The following NLGN1 variants were observed in gnomAD, a reference collection of about 807,000 sequenced individuals.
NLGN1 encodes neuroligin 1, also known as neuroligin-1.
In NLGN1, 12 loss-of-function variants were observed where a neutral mutation model predicts 65.5. That is an observed-to-expected ratio of 0.18 (90% confidence interval 0.12 to 0.30). NLGN1 has a LOEUF of 0.30. NLGN1 is among the 10% of genes least tolerant of loss of function. The pLI is 1.00. For missense variants in NLGN1, 750 were observed against 1,007.1 expected (o/e 0.74, Z 3.46); for synonymous variants, 350 against 359.5 (o/e 0.97, Z 0.30).
intron 4 of NLGN1, among the ~76,000 whole-genome samples, chr3:174,085,458 C>CATT (rs1481393129): frequency 6.6e-6 from 1 of 151,994 alleles, no homozygotes; most frequent in Non-Finnish European, 1.5e-5. Context: ...CATTCTTACC[C>CATT]ATTAGTCTTA....
At chr3:173,636,179 G>A (rs915016710) in intron 3 of NLGN1, among the ~76,000 whole-genome samples, 2 of 152,040 alleles carry the variant, frequency 1.3e-5, no homozygotes, top group Non-Finnish European at 2.9e-5. Context: ...GAGGAAACAT[G>A]CCATATGTAA....
Position 173,407,754 on chromosome 3 carries a change from A to G in NLGN1, c.-390+9267A>G, listed in dbSNP as rs139786182. 4.9e-3 allele frequency among the ~76,000 whole-genome samples: 744 copies of G among 152,316 alleles called. 8 individuals are homozygous for G. Among genetic ancestry groups the G allele is most frequent in the African/African-American group, 0.017 (712 of 41,570 alleles). ...TTTCAAAAGTAAACACACACATACA[A>G]CACATTGAGAAATATCATTGTAGAA... On this transcript the variant is annotated intron_variant, in intron 1 of 6. Transcript: ENST00000457714.
chr3:173,503,423 A>C (rs1255674789), intron 2 of NLGN1, among the ~76,000 whole-genome samples: 1 of 152,078 alleles, frequency 6.6e-6, no homozygotes, highest in African/African-American at 2.4e-5. Context: ...CTGGGCTTCA[A>C]GCCAAACACT....
At chr3:174,140,467 A>T (rs1382254954) in intron 4 of NLGN1, among the ~76,000 whole-genome samples, 1 of 152,124 alleles carries the variant, frequency 6.6e-6, no homozygotes, top group Non-Finnish European at 1.5e-5. Context: ...GAATTATTTT[A>T]TTCAGTCCTC....
At chr3:174,210,058 T>G (rs1281670926) in intron 4 of NLGN1, among the ~76,000 whole-genome samples, 1 of 152,206 alleles carries the variant, frequency 6.6e-6, no homozygotes, top group Non-Finnish European at 1.5e-5. Context: ...TTTTGATGCC[T>G]TTTCCTGGAA....
intron 2 of NLGN1, among the ~76,000 whole-genome samples, chr3:173,445,267 C>CAAAAAAAA (rs60140480): frequency 2.9e-5 from 3 of 103,486 alleles, no homozygotes; most frequent in African/African-American, 1.3e-4. Flanking sequence ...GACTCCGTCT[C>CAAAAAAAA]AAAAAAAAAA....
chr3:173,429,391 G>T (rs1345128470), intron 1 of NLGN1, among the ~76,000 whole-genome samples: 5 of 151,878 alleles, frequency 3.3e-5, no homozygotes, highest in Non-Finnish European at 4.4e-5. Flanking sequence ...TTTCTGCACC[G>T]ATTTACTGTG....
At chr3:173,659,401 T>A (rs1227475066) in intron 3 of NLGN1, among the ~76,000 whole-genome samples, 1 of 151,960 alleles carries the variant, frequency 6.6e-6, no homozygotes, top group African/African-American at 2.4e-5. Context: ...TTTGCTGAAG[T>A]GTCCAACTCT....
At chr3:173,568,464 C>T (rs1396120898) in intron 2 of NLGN1, among the ~76,000 whole-genome samples, 1 of 152,080 alleles carries the variant, frequency 6.6e-6, no homozygotes, top group East Asian at 1.9e-4. Flanking sequence ...GAACTCCTGA[C>T]CTCAAAGTGA....
intron 1 of NLGN1, among the ~76,000 whole-genome samples, chr3:173,415,093 T>G (rs1713407616): frequency 6.6e-6 from 1 of 152,238 alleles, no homozygotes; most frequent in Non-Finnish European, 1.5e-5. Flanking sequence ...ACATTTGCAG[T>G]GTTTTGAAAA....
chr3:173,768,124 T>G (rs1779037243), intron 3 of NLGN1, among the ~76,000 whole-genome samples: 1 of 152,160 alleles, frequency 6.6e-6, no homozygotes, highest in African/African-American at 2.4e-5. Context: ...TTATCCAAGT[T>G]AGAAAATGGA....
At chr3:174,038,706 C>T (rs1487870849) in intron 4 of NLGN1, among the ~76,000 whole-genome samples, 1 of 152,126 alleles carries the variant, frequency 6.6e-6, no homozygotes, top group Non-Finnish European at 1.5e-5. Context: ...GTAAAGTCAG[C>T]TTCTACAATG....
At chr3:173,929,945 T>A (rs917993733) in intron 4 of NLGN1, among the ~76,000 whole-genome samples, 8 of 152,266 alleles carry the variant, frequency 5.3e-5, no homozygotes, top group African/African-American at 1.4e-4. Context: ...CTCAGGTGGA[T>A]CCGCCTGCCT....
chr3:173,800,325 G>T, intron 3 of NLGN1: 1 of 1,217,780 alleles, frequency 8.2e-7, no homozygotes, highest in South Asian at 1.4e-5. Flanking sequence ...AGATGATTTA[G>T]GTGATAATGA....
intron 3 of NLGN1, among the ~76,000 whole-genome samples, chr3:173,658,576 A>G (rs1329177688): frequency 6.6e-6 from 1 of 152,020 alleles, no homozygotes; most frequent in Non-Finnish European, 1.5e-5. Context: ...TGATGAGTCC[A>G]TTCTTAGTTG....
intron 3 of NLGN1, among the ~76,000 whole-genome samples, chr3:173,720,439 C>T (rs947052198): frequency 6.6e-6 from 1 of 152,050 alleles, no homozygotes; most frequent in Admixed American, 6.6e-5. Context: ...CAAAGTTTAA[C>T]CAATAGAACC....
intron 2 of NLGN1, among the ~76,000 whole-genome samples, chr3:173,552,544 G>A (rs1295277211): frequency 4.6e-5 from 7 of 152,108 alleles, no homozygotes; most frequent in Non-Finnish European, 8.8e-5. Flanking sequence ...GCTTGCAGAC[G>A]ATTTGAAGGG....
intron 3 of NLGN1, among the ~76,000 whole-genome samples, chr3:173,687,406 T>C (rs1310261140): frequency 1.3e-5 from 2 of 152,250 alleles, no homozygotes; most frequent in Non-Finnish European, 2.9e-5. Flanking sequence ...CAGATGCTTA[T>C]GCCTATACAT....
chr3:173,452,202 C>CTTTTTTT (rs572500549), intron 2 of NLGN1, among the ~76,000 whole-genome samples: 2 of 146,576 alleles, frequency 1.4e-5, no homozygotes, highest in African/African-American at 5.1e-5. Context: ...TCTTGGCTTC[C>CTTTTTTT]TTTTTTTTTT....
Sources: allele counts gnomAD v4.1 joint callset (sites outside exome capture counted in the v4.1 genomes callset), GRCh38; gene constraint gnomAD v4.1.1; transcripts MANE v1.5; gene names NCBI Gene and HGNC (gene_info 2026-07-23, HGNC 2026-07-21).